Variants in PABPC1 observed in about 807,000 individuals in gnomAD.
PABPC1 encodes the protein poly(A) binding protein cytoplasmic 1.
Under a neutral mutation model 74.0 loss-of-function variants are expected in PABPC1, and 4 were observed. The observed-to-expected ratio is 0.05, with a 90% CI of 0.03 to 0.12. The LOEUF (loss-of-function observed/expected upper bound fraction) is 0.12. PABPC1 is among the 10% of genes least tolerant of loss of function. The pLI, the probability that PABPC1 is intolerant of heterozygous loss-of-function variation, is 1.00. For missense variants in PABPC1, 271 were observed against 821.1 expected (o/e 0.33, Z 8.19); for synonymous variants, 227 against 264.1 (o/e 0.86, Z 1.36).
chr8:100,713,320 A>C (rs1467023827), intron 4 of PABPC1, 139 bp from the exon 5 acceptor site: 1 of 513,806 alleles, frequency 1.9e-6, no homozygotes. Flanking sequence ...TCTATGCCCC[A>C]GGTAGGTATA....
At chr8:100,709,777 G>A (rs1350709754) in intron 7 of PABPC1, 46 bp from the exon 8 acceptor site, 11 of 1,531,484 alleles carry the variant, frequency 7.2e-6, no homozygotes, top group African/African-American at 2.8e-5. Context: ...GTAGAATGAG[G>A]AGCAAAAAAA....
In PABPC1 at chr8:100,706,926, A is replaced by C. The variant is rs1266610081; in HGVS notation, c.1408T>G (p.Ser470Ala). ...GACATGACTCGTGGAACCTGTGAAG[A>C]AGCTGGTCTCATAGTACTAAATGGT... is the stretch of plus-strand genomic sequence containing the variant. ...RPPFSTMRPA[S>A]SQVPRVMSTQ... Residue 470 changes from serine (S) to alanine (A), a missense_variant, in exon 10 of 15, where the codon TCT becomes GCT. Ser to Ala is a moderately conservative substitution (Grantham distance 99, BLOSUM62 1). Coordinates refer to ENST00000318607, the MANE Select transcript of PABPC1 (RefSeq NM_002568.4). 2 of 1,614,212 alleles carry C rather than the reference A, an allele frequency of 1.2e-6. No homozygotes were observed. The highest frequency in any genetic ancestry group is 1.7e-6 in the Non-Finnish European group (2 of 1,180,014).
intron 1 of PABPC1, among the ~76,000 whole-genome samples, chr8:100,719,505 G>A (rs1398434563): frequency 2.6e-5 from 4 of 151,496 alleles, no homozygotes; most frequent in Non-Finnish European, 4.4e-5. Context: ...GTAGCAATAA[G>A]TTTTTAAAAA....
chr8:100,707,538 G>C (rs10109727), intron 9 of PABPC1, among the ~76,000 whole-genome samples: 2,925 of 152,296 alleles, frequency 0.019, 101 homozygotes, highest in African/African-American at 0.067. Flanking sequence ...GACAGCTTAC[G>C]CCATTGTTTC....
At chr8:100,704,071 A>C (rs930975145) in intron 14 of PABPC1, 8 of 407,532 alleles carry the variant, frequency 2.0e-5, no homozygotes, top group Middle Eastern at 7.3e-4. Context: ...AAAAAAAAAA[A>C]AAAACACCAC....
At chr8:100,712,301 A>C (rs993410868) in intron 7 of PABPC1, 61 bp downstream of exon 7, 1 of 943,274 alleles carries the variant, frequency 1.1e-6, no homozygotes, top group African/African-American at 1.7e-5. Flanking sequence ...ATTTATATAC[A>C]TATATCTACA....
intron 14 of PABPC1, among the ~76,000 whole-genome samples, chr8:100,703,744 T>C (rs1440247492): frequency 2.0e-5 from 3 of 152,096 alleles, no homozygotes; most frequent in African/African-American, 7.2e-5. Context: ...GGTCATTTTA[T>C]ATATATATTA....
Position 100,715,466 on chromosome 8 carries a change from C to T in PABPC1, c.639G>A (p.Lys213=). The change falls in exon 4 of 15, where the codon AAG becomes AAA. Residue 213 remains lysine, a synonymous_variant. Transcript: ENST00000318607. ...AATTTAATTAAGACACATTACCAAA[C>T]TTGCCAAAGAGATCCTTAAGGCGCT... is the stretch of plus-strand genomic sequence containing the variant. ...DDERLKDLFG[K]FGPALSVKVM... The T allele has an allele frequency of 6.3e-7, 1 of 1,593,836 alleles. No individual in the cohort carries two copies. Among genetic ancestry groups the T allele is most frequent in the Non-Finnish European group, 8.6e-7 (1 of 1,168,212 alleles).
chr8:100,708,159 G>C (rs1272873356), intron 9 of PABPC1, among the ~76,000 whole-genome samples: 1 of 152,204 alleles, frequency 6.6e-6, no homozygotes, highest in Non-Finnish European at 1.5e-5. Context: ...TATTGGAACA[G>C]CTCGTGTCCT....
At chr8:100,706,365 C>T (rs1017079829) in intron 11 of PABPC1, among the ~76,000 whole-genome samples, 3 of 152,140 alleles carry the variant, frequency 2.0e-5, no homozygotes, top group African/African-American at 7.2e-5. Flanking sequence ...GGGATTACAG[C>T]TTGCTGCAGC....
chr8:100,716,942 T>C (rs1810686492), intron 3 of PABPC1, among the ~76,000 whole-genome samples: 1 of 152,238 alleles, frequency 6.6e-6, no homozygotes, highest in Non-Finnish European at 1.5e-5. Flanking sequence ...TATCATTCTT[T>C]TCTGGATCCT....
Position 100,721,574 on chromosome 8 carries a change from T to A in PABPC1, c.10A>T (p.Ser4Cys). MNP[S>C]APSYPMASLY... ...GAGGCCATGGGGTAGCTGGGGGCAC[T>A]GGGGTTCATCTCGGCACGGCTGCCC... Residue 4 changes from serine (S) to cysteine (C), a missense_variant, in exon 1 of 15, where the codon AGT becomes TGT. Physicochemically the swap from Ser to Cys is moderately radical, Grantham distance 112. Transcript: ENST00000318607. The surrounding 1 kb of genome is among the most constrained non-coding windows in gnomAD (Gnocchi z 7.4). 6.3e-7 allele frequency: 1 copy of A among 1,575,394 alleles called. No individual in the cohort carries two copies. The highest frequency in any genetic ancestry group is 1.1e-5 in the South Asian group (1 of 88,328).
At chr8:100,703,796 T>C (rs1810308032) in intron 14 of PABPC1, among the ~76,000 whole-genome samples, 1 of 152,192 alleles carries the variant, frequency 6.6e-6, no homozygotes, top group Admixed American at 6.5e-5. Flanking sequence ...ACGCCTGTAA[T>C]TTCAAGACTT....
chr8:100,718,446 T>C (rs1031825332), intron 1 of PABPC1, among the ~76,000 whole-genome samples, 166 bp from the exon 2 acceptor site: 2 of 152,230 alleles, frequency 1.3e-5, no homozygotes, highest in Non-Finnish European at 2.9e-5. Flanking sequence ...CACACACTAG[T>C]GTGGGACCTA....
Position 100,721,425 on chromosome 8 carries a change from G to C in PABPC1, c.159C>G (p.Gly53=). The part of the protein sequence containing the change: ...CRDMITRRSL[G]YAYVNFQQPA... The stretch of plus-strand genomic sequence containing the variant: ...GCTGCTGGAAGTTCACATACGCGTA[G>C]CCCAAGGAGCGGCGGGTGATCATGT... The change falls in exon 1 of 15, where the codon GGC becomes GGG. Residue 53 remains glycine, a synonymous_variant. Coordinates refer to ENST00000318607, the MANE Select transcript of PABPC1 (RefSeq NM_002568.4). The surrounding 1 kb of genome is among the most constrained non-coding windows in gnomAD (Gnocchi z 7.4). The C allele has an allele frequency of 6.3e-7, 1 of 1,596,778 alleles. No individual in the cohort carries two copies. Among genetic ancestry groups the C allele is most frequent in the Non-Finnish European group, 8.5e-7 (1 of 1,171,538 alleles).
intron 1 of PABPC1, among the ~76,000 whole-genome samples, chr8:100,719,544 T>C (rs1316281222): frequency 1.3e-5 from 2 of 152,154 alleles, no homozygotes; most frequent in East Asian, 1.9e-4. Context: ...AAGTAATTAA[T>C]TGGATAGTAA....
chr8:100,721,553 C>A lies in PABPC1; in HGVS notation c.31G>T (p.Ala11Ser). The A allele has an allele frequency of 1.2e-6, 2 of 1,606,740 alleles. No individual in the cohort carries two copies. Among genetic ancestry groups the A allele is most frequent in the Non-Finnish European group, 1.7e-6 (2 of 1,175,670 alleles). Residue 11 changes from alanine (A) to serine (S), a missense_variant, in exon 1 of 15, where the codon GCC becomes TCC. Transcript: ENST00000318607. This position sits in a 1 kb window ranked among gnomAD's most constrained non-coding sequence, Gnocchi z 7.4. ...TGGAGGTCCCCCACGTAGAGCGAGG[C>A]CATGGGGTAGCTGGGGGCACTGGGG... MNPSAPSYPM[A>S]SLYVGDLHPD...
chr8:100,711,366 G>A (rs1810523673), intron 7 of PABPC1, among the ~76,000 whole-genome samples: 1 of 152,086 alleles, frequency 6.6e-6, no homozygotes, highest in Non-Finnish European at 1.5e-5. Context: ...TGGCCTGCAA[G>A]CAGCGGGTTG....
In PABPC1 at chr8:100,708,289, T is replaced by A. The variant is rs189423587; in HGVS notation, c.1336+844A>T. 2.6e-5 allele frequency among the ~76,000 whole-genome samples: 4 copies of A among 152,256 alleles called. No homozygotes were observed. In the East Asian group the frequency reaches 7.7e-4, roughly 29 times the overall value. On this transcript the variant is annotated intron_variant, in intron 9 of 14. Transcript: ENST00000318607. ...GGCCAACAGGGCAAAATCCCGTCTC[T>A]ACAAAAAATTTAAAAAATTAGCTGG...
Sources: gnomAD v4.1 joint callset for allele counts (sites outside exome capture counted in the v4.1 genomes callset) on GRCh38, gnomAD v4.1.1 for gene constraint, Gnocchi (gnomAD v3.1) non-coding constraint, MANE v1.5 for transcripts, NCBI Gene and HGNC (gene_info 2026-07-23, HGNC 2026-07-21) for gene names.